The following OXR1 variants were observed in gnomAD, a reference collection of about 807,000 sequenced individuals.
OXR1 encodes the protein oxidation resistance 1.
OXR1 carries 41 observed loss-of-function variants against 104.6 expected under a neutral mutation model. That is an observed-to-expected ratio of 0.39 (90% CI 0.31 to 0.51). OXR1 has a LOEUF of 0.51. Among genes scored for constraint, OXR1 ranks in the 20% least tolerant of loss-of-function variants. The pLI, the probability that OXR1 is intolerant of heterozygous loss-of-function variation, is 0.77. For synonymous variants in OXR1, 348 were observed against 348.4 expected (o/e 1.00, Z 0.01); for missense variants, 955 against 1,031.9 (o/e 0.93, Z 1.02).
At chr8:106,646,151 G>T (rs1824060847) in intron 3 of OXR1, among the ~76,000 whole-genome samples, 1 of 151,510 alleles carries the variant, frequency 6.6e-6, no homozygotes, top group Non-Finnish European at 1.5e-5. Context: ...TGTTGCCCAG[G>T]CTAGAGTGCA....
rs149809972 is a variant in OXR1, at chr8:106,740,742, C to G, written c.2316+247C>G. Among the ~76,000 whole-genome samples, 219 of 152,096 alleles carry G rather than the reference C, an allele frequency of 1.4e-3. 1 individual carries two copies. Among genetic ancestry groups the G allele is most frequent in the African/African-American group, 4.9e-3 (204 of 41,492 alleles). On this transcript the variant is annotated intron_variant, in intron 14 of 16. Coordinates refer to ENST00000517566, the MANE Select transcript of OXR1 (RefSeq NM_001198533.2). ...AAAGAACATTTGCACATACCAACATCTCTAATGGTGGGGAAAATGGTAGGT... is the reference window on the plus strand; with the variant it reads ...AAAGAACATTTGCACATACCAACATGTCTAATGGTGGGGAAAATGGTAGGT...
chr8:106,281,940 A>AT (rs1336131325), intron 1 of OXR1, among the ~76,000 whole-genome samples: 1 of 152,038 alleles, frequency 6.6e-6, no homozygotes, highest in Non-Finnish European at 1.5e-5. Flanking sequence ...TACAATCTGA[A>AT]TTTTTTCATT....
At chr8:106,688,355 TATG>T (rs1224415244) in intron 6 of OXR1, among the ~76,000 whole-genome samples, 4 of 151,908 alleles carry the variant, frequency 2.6e-5, no homozygotes, top group Admixed American at 6.6e-5. Flanking sequence ...CAATCTAAAA[TATG>T]ATAAAAATAG....
At chr8:106,684,640 T>C (rs896203017) in intron 6 of OXR1, among the ~76,000 whole-genome samples, 1 of 152,174 alleles carries the variant, frequency 6.6e-6, no homozygotes. Flanking sequence ...AAAGGAATCT[T>C]ACCCAAAAAA....
At chr8:106,276,639 G>A (rs1280008269) in intron 1 of OXR1, among the ~76,000 whole-genome samples, 1 of 151,440 alleles carries the variant, frequency 6.6e-6, no homozygotes, top group East Asian at 1.9e-4. Flanking sequence ...TCTTTCTCAA[G>A]AGCATGCTTA....
chr8:106,379,148 A>G (rs1301567484), intron 2 of OXR1, among the ~76,000 whole-genome samples: 2 of 152,188 alleles, frequency 1.3e-5, no homozygotes, highest in Admixed American at 6.5e-5. Context: ...TGTTAAAGGC[A>G]TCATCCCAAC....
chr8:106,584,638 T>C (rs998332751), intron 3 of OXR1, among the ~76,000 whole-genome samples: 4 of 152,106 alleles, frequency 2.6e-5, no homozygotes, highest in Non-Finnish European at 5.9e-5. Context: ...CTATCAATAG[T>C]TTTACTATCA....
At chr8:106,654,849 T>G (rs954131562) in intron 3 of OXR1, among the ~76,000 whole-genome samples, 4 of 152,138 alleles carry the variant, frequency 2.6e-5, no homozygotes, top group African/African-American at 9.6e-5. Flanking sequence ...ACAAAAAAAC[T>G]TAATTACCTA....
intron 1 of OXR1, among the ~76,000 whole-genome samples, chr8:106,294,772 T>C (rs902845761): frequency 9.2e-5 from 14 of 152,130 alleles, no homozygotes; most frequent in East Asian, 1.9e-4. Context: ...AACATGAGAT[T>C]TGGGCAGGGA....
chr8:106,397,635 C>CT (rs1360688913), intron 2 of OXR1, among the ~76,000 whole-genome samples: 1 of 151,864 alleles, frequency 6.6e-6, no homozygotes, highest in Admixed American at 6.6e-5. Context: ...CTACAGATTT[C>CT]TTTTTTCTGC....
chr8:106,336,445 ATC>A (rs1814970196), intron 1 of OXR1, among the ~76,000 whole-genome samples: 1 of 152,252 alleles, frequency 6.6e-6, no homozygotes, highest in Non-Finnish European at 1.5e-5. Context: ...GAAGCAGTAG[ATC>A]TGACTCTAGT....
chr8:106,518,364 A>G (rs1439133213), intron 2 of OXR1, among the ~76,000 whole-genome samples: 1 of 152,182 alleles, frequency 6.6e-6, no homozygotes. Flanking sequence ...TGAGCAGGGA[A>G]ATATTTCCTG....
intron 2 of OXR1, among the ~76,000 whole-genome samples, chr8:106,456,940 A>G (rs960715944): frequency 6.6e-6 from 1 of 152,226 alleles, no homozygotes; most frequent in African/African-American, 2.4e-5. Context: ...ACATAATAAC[A>G]CATCATCAAA....
At chr8:106,528,362 T>C (rs1813845212) in intron 3 of OXR1, among the ~76,000 whole-genome samples, 1 of 152,248 alleles carries the variant, frequency 6.6e-6, no homozygotes, top group Non-Finnish European at 1.5e-5. Context: ...TAAAATCCAA[T>C]GCAATGATCC....
At chr8:106,497,558 A>G (rs1811494316) in intron 2 of OXR1, among the ~76,000 whole-genome samples, 1 of 152,194 alleles carries the variant, frequency 6.6e-6, no homozygotes, top group Non-Finnish European at 1.5e-5. Context: ...TGTCTGGCTC[A>G]TGTGGTGAAG....
chr8:106,391,322 G>A (rs764319653), intron 2 of OXR1, among the ~76,000 whole-genome samples: 25 of 152,150 alleles, frequency 1.6e-4, no homozygotes, highest in Non-Finnish European at 3.7e-4. Flanking sequence ...TTCAGCCAGG[G>A]TTAATATCCA....
intron 9 of OXR1, 85 bp downstream of exon 9, chr8:106,707,230 C>A: frequency 8.4e-7 from 1 of 1,191,712 alleles, no homozygotes; most frequent in Non-Finnish European, 1.2e-6. Flanking sequence ...GCCGCTGTAC[C>A]TTAGGGCAAC....
intron 3 of OXR1, among the ~76,000 whole-genome samples, chr8:106,548,870 T>C (rs903693078): frequency 6.6e-6 from 1 of 152,226 alleles, no homozygotes; most frequent in Non-Finnish European, 1.5e-5. Context: ...TATTATAAAA[T>C]GTGCCATTTC....
At chr8:106,368,399 A>G (rs7834736) in intron 2 of OXR1, among the ~76,000 whole-genome samples, 54,645 of 151,848 alleles carry the variant, frequency 0.36, 10,450 homozygotes, top group Admixed American at 0.43. Flanking sequence ...GTTTTGTTTT[A>G]TTGCATTTTA....
Sources: gnomAD v4.1 joint callset for allele counts (sites outside exome capture counted in the v4.1 genomes callset) on GRCh38, gnomAD v4.1.1 for gene constraint, MANE v1.5 for transcripts, NCBI Gene and HGNC (gene_info 2026-07-23, HGNC 2026-07-21) for gene names.